Variants in NAALADL2 observed in about 807,000 individuals in gnomAD.
The protein encoded by NAALADL2 is N-acetylated alpha-linked acidic dipeptidase like 2, also known as inactive N-acetylated-alpha-linked acidic dipeptidase-like protein 2.
Under a neutral mutation model 87.2 loss-of-function variants are expected in NAALADL2, and 76 were observed. The ratio of observed to expected loss-of-function variants is 0.87; its 90% confidence interval spans 0.72 to 1.05. NAALADL2 has a LOEUF of 1.05. Ranked by LOEUF, NAALADL2 falls within the 50% of genes least tolerant of loss-of-function variation. The pLI, the probability that NAALADL2 is intolerant of heterozygous loss-of-function variation, is 0.00. For missense variants in NAALADL2, 1,089 were observed against 945.8 expected, an observed-to-expected ratio of 1.15 and a Z score of -1.99; for synonymous variants, 354 against 331.0, an observed-to-expected ratio of 1.07 and a Z score of -0.75.
chr3:175,581,226 G>A, intron 10 of NAALADL2: 1 of 303,782 alleles, frequency 3.3e-6, no homozygotes, highest in Non-Finnish European at 6.8e-6. Flanking sequence ...AGGATCACCG[G>A]AGGTCAGGAG....
chr3:175,238,940 G>T (rs1033815980), intron 3 of NAALADL2, among the ~76,000 whole-genome samples: 1 of 152,160 alleles, frequency 6.6e-6, no homozygotes, highest in Non-Finnish European at 1.5e-5. Context: ...TTTTGACAAG[G>T]TTATTTGCAG....
intron 2 of NAALADL2, among the ~76,000 whole-genome samples, chr3:174,642,507 TAA>T (rs10576356): frequency 0.3 from 36,641 of 122,392 alleles, 5,358 homozygotes; most frequent in East Asian, 0.52. Flanking sequence ...TCTCTGGGGA[TAA>T]AAAAAAAAAA....
intron 1 of NAALADL2, among the ~76,000 whole-genome samples, chr3:174,968,543 GA>G (rs977170182): frequency 2.4e-4 from 36 of 152,000 alleles, no homozygotes; most frequent in African/African-American, 7.7e-4. Context: ...GTAGTGACAT[GA>G]TCTCAGCTCA....
intron 1 of NAALADL2, among the ~76,000 whole-genome samples, chr3:174,469,853 C>A (rs563372523): frequency 6.6e-6 from 1 of 152,112 alleles, no homozygotes; most frequent in Non-Finnish European, 1.5e-5. Flanking sequence ...ACATTGTTGT[C>A]TCATTTTGAA....
At chr3:175,134,004 A>G (rs957217911) in intron 2 of NAALADL2, among the ~76,000 whole-genome samples, 1 of 152,202 alleles carries the variant, frequency 6.6e-6, no homozygotes, top group African/African-American at 2.4e-5. Flanking sequence ...ATAATCATCT[A>G]TCTGGCCTGT....
chr3:174,712,480 C>T (rs1023127750), intron 2 of NAALADL2, among the ~76,000 whole-genome samples: 2 of 149,626 alleles, frequency 1.3e-5, no homozygotes, highest in Admixed American at 6.7e-5. Context: ...CTCCACCTCC[C>T]GGGTTCATGC....
chr3:175,072,006 C>T (rs989429239), intron 1 of NAALADL2, among the ~76,000 whole-genome samples: 1 of 151,638 alleles, frequency 6.6e-6, no homozygotes, highest in Non-Finnish European at 1.5e-5. Context: ...TTCTTTTTTC[C>T]CTATAAGCAT....
chr3:174,492,177 G>A (rs937133565), intron 1 of NAALADL2, among the ~76,000 whole-genome samples: 11 of 151,928 alleles, frequency 7.2e-5, no homozygotes, highest in African/African-American at 2.7e-4. Flanking sequence ...GGCTGAGGCA[G>A]GAGAATTGCT....
At chr3:175,093,574 A>G (rs1720569901) in intron 1 of NAALADL2, among the ~76,000 whole-genome samples, 1 of 148,648 alleles carries the variant, frequency 6.7e-6, no homozygotes, top group African/African-American at 2.4e-5. Context: ...TATATATACT[A>G]TATTTACATG....
intron 2 of NAALADL2, among the ~76,000 whole-genome samples, chr3:174,621,303 G>A (rs1050878612): frequency 4.0e-5 from 6 of 151,788 alleles, no homozygotes; most frequent in Admixed American, 1.3e-4. Context: ...ATTTTTTATC[G>A]CACAAGTCTG....
At chr3:174,865,216 C>G (rs552384481) in intron 1 of NAALADL2, among the ~76,000 whole-genome samples, 2 of 152,024 alleles carry the variant, frequency 1.3e-5, no homozygotes, top group African/African-American at 4.8e-5. Flanking sequence ...TTATAAAATC[C>G]TACCAACTAA....
rs181711998 is a variant in NAALADL2 at position 174,954,954 on chromosome 3, T to G, written c.43+95504T>G. On this transcript the variant is annotated intron_variant, in intron 1 of 13. Transcript: ENST00000454872. ...TGTGGTTAGTGTAGATTTCTGAAAT[T>G]TCTACATCCGTTAACAACAATATAT... Among the ~76,000 whole-genome samples, 394 of 151,290 alleles carry G rather than the reference T, an allele frequency of 2.6e-3. 5 individuals carry two copies. Among genetic ancestry groups the G allele is most frequent in the African/African-American group, 9.1e-3 (374 of 41,158 alleles).
intron 10 of NAALADL2, among the ~76,000 whole-genome samples, chr3:175,604,170 A>G (rs1019461064): frequency 1.2e-4 from 18 of 152,142 alleles, no homozygotes; most frequent in African/African-American, 3.9e-4. Flanking sequence ...CAATAATGCA[A>G]AGGGTTCCAA....
intron 2 of NAALADL2, among the ~76,000 whole-genome samples, chr3:174,600,459 G>A (rs866479574): frequency 8.6e-5 from 13 of 152,016 alleles, no homozygotes; most frequent in African/African-American, 2.4e-4. Flanking sequence ...ATTGATTCTC[G>A]AATTCCCTAA....
At chr3:175,057,843 C>T (rs1712548754) in intron 1 of NAALADL2, among the ~76,000 whole-genome samples, 1 of 152,202 alleles carries the variant, frequency 6.6e-6, no homozygotes, top group African/African-American at 2.4e-5. Flanking sequence ...CCCCTAAATT[C>T]ACAGCTGTCA....
At chr3:175,429,176 TACACACACACACACACAC>T (rs749991023) in intron 5 of NAALADL2, among the ~76,000 whole-genome samples, 1 of 125,510 alleles carries the variant, frequency 8.0e-6, no homozygotes, top group South Asian at 2.8e-4. Context: ...TATATATATG[TACACACACACACACACAC>T]ACACACACAC....
intron 1 of NAALADL2, among the ~76,000 whole-genome samples, chr3:175,053,394 A>G (rs1755672155): frequency 6.6e-6 from 1 of 152,012 alleles, no homozygotes; most frequent in African/African-American, 2.4e-5. Flanking sequence ...CAGCTTCTTG[A>G]TCCTCCCCAG....
At chr3:175,324,516 T>A (rs1270858519) in intron 5 of NAALADL2, among the ~76,000 whole-genome samples, 191 bp downstream of exon 5, 2 of 152,246 alleles carry the variant, frequency 1.3e-5, no homozygotes, top group African/African-American at 4.8e-5. Flanking sequence ...TAAATTGGAT[T>A]TAGACTGTAA....
intron 9 of NAALADL2, among the ~76,000 whole-genome samples, chr3:175,532,891 T>C (rs1734278934): frequency 6.6e-6 from 1 of 152,168 alleles, no homozygotes. Flanking sequence ...AAGGCATTGG[T>C]CAAGGGTATA....
Sources: allele counts gnomAD v4.1 joint callset (sites outside exome capture counted in the v4.1 genomes callset), GRCh38; gene constraint gnomAD v4.1.1; transcripts MANE v1.5; gene names NCBI Gene and HGNC (gene_info 2026-07-23, HGNC 2026-07-21).